The following EFL1 variants were observed in gnomAD, a reference collection of about 807,000 sequenced individuals.
EFL1 encodes the protein elongation factor-like GTPase 1.
Under a neutral mutation model 126.7 loss-of-function variants are expected in EFL1, and 76 were observed. The ratio of observed to expected loss-of-function variants is 0.60; its 90% CI spans 0.50 to 0.73. The LOEUF (loss-of-function observed/expected upper bound fraction) is 0.73. Among genes scored for constraint, EFL1 ranks in the 30% least tolerant of loss-of-function variants. The pLI is 0.00. For synonymous variants in EFL1, 410 were observed against 448.4 expected (o/e 0.91, Z 1.08); for missense variants, 1,128 against 1,343.2 (o/e 0.84, Z 2.50).
chr15:82,191,115 T>C (rs2074355348), intron 15 of EFL1, among the ~76,000 whole-genome samples: 1 of 152,122 alleles, frequency 6.6e-6, no homozygotes, highest in Non-Finnish European at 1.5e-5. Flanking sequence ...CTCACAGTTT[T>C]CTTTGTCCCA....
chr15:82,157,521 T>C, intron 17 of EFL1, 192 bp downstream of exon 17: 1 of 576,052 alleles, frequency 1.7e-6, no homozygotes, highest in Admixed American at 3.7e-5. Flanking sequence ...TATTCAAGTG[T>C]AGGCAGTGAA....
In EFL1 at chr15:82,151,806, C is replaced by T; in HGVS notation, c.2648G>A (p.Cys883Tyr). The change falls in exon 18 of 20, where the codon TGT (cysteine) becomes TAT (tyrosine). Residue 883 changes from cysteine to tyrosine, a missense_variant. Physicochemically the swap from Cys to Tyr is radical, Grantham distance 194 (BLOSUM62 -2). Coordinates refer to ENST00000268206, the MANE Select transcript of EFL1 (RefSeq NM_024580.6). ...ACAGACACCCATGAGAGGCTCCTCA[C>T]ACATGGGGCCAGAGAGGGTTGCTAG... ...FQLATLSGPM[C>Y]EEPLMGVCFV... is the part of the protein sequence containing the mutation. 1.9e-6 allele frequency: 3 copies of T among 1,614,172 alleles called. No individual in the cohort carries two copies. Among genetic ancestry groups the T allele is most frequent in the Non-Finnish European group, 2.5e-6 (3 of 1,180,034 alleles).
intron 15 of EFL1, among the ~76,000 whole-genome samples, chr15:82,201,698 CAAAAAA>C (rs57664245): frequency 4.1e-5 from 4 of 98,686 alleles, no homozygotes; most frequent in Admixed American, 2.2e-4. Context: ...TAACTTCTTG[CAAAAAA>C]AAAAAAAAAA....
In EFL1 at chr15:82,227,573, C is replaced by G. The variant is rs1472133619; in HGVS notation, c.1070-1G>C. The G allele has an allele frequency of 2.5e-6, 4 of 1,613,996 alleles. No homozygotes were observed. The highest frequency in any genetic ancestry group is 3.4e-6 in the Non-Finnish European group (4 of 1,179,984). On this transcript the variant is annotated splice_acceptor_variant, in intron 10 of 19. Coordinates refer to ENST00000268206, the MANE Select transcript of EFL1 (RefSeq NM_024580.6). LOFTEE classifies it high-confidence loss of function. ...CTAGGAAGTTTCTGACACACCATAG[C>G]TGAAGTCTATTGTTAAGGACTGAAA...
At chr15:82,261,487 G>C (rs1419547393) in intron 2 of EFL1, among the ~76,000 whole-genome samples, 1 of 152,112 alleles carries the variant, frequency 6.6e-6, no homozygotes, top group Non-Finnish European at 1.5e-5. Context: ...ATAGAAGAAT[G>C]CTACTCACTA....
intron 6 of EFL1, among the ~76,000 whole-genome samples, chr15:82,238,762 T>C (rs1382491910): frequency 4.6e-5 from 7 of 152,170 alleles, no homozygotes; most frequent in Non-Finnish European, 1.0e-4. Context: ...TTATTATTAG[T>C]TTAATGTAAA....
intron 17 of EFL1, among the ~76,000 whole-genome samples, chr15:82,156,440 A>C (rs2073968184): frequency 6.6e-6 from 1 of 152,162 alleles, no homozygotes; most frequent in Non-Finnish European, 1.5e-5. Context: ...GCACGCCACC[A>C]CATCCAGCTA....
chr15:82,185,517 C>CA (rs1374507442), intron 15 of EFL1, among the ~76,000 whole-genome samples: 8 of 151,592 alleles, frequency 5.3e-5, no homozygotes, highest in Admixed American at 5.3e-4. Flanking sequence ...ACTTTTATGG[C>CA]AAAAAATCAA....
chr15:82,138,870 A>G, intron 18 of EFL1, 28 bp from the exon 19 acceptor site: 1 of 1,603,212 alleles, frequency 6.2e-7, no homozygotes, highest in Non-Finnish European at 8.5e-7. Context: ...TTTTAAAATC[A>G]TGGATCAATC....
In EFL1 at chr15:82,240,490, A is replaced by T. The variant is rs539249535; in HGVS notation, c.444T>A (p.Ile148=). 6.2e-7 allele frequency: 1 copy of T among 1,614,122 alleles called. No individual in the cohort carries two copies. Among genetic ancestry groups the T allele is most frequent in the East Asian group, 2.2e-5 (1 of 44,882 alleles). ...ATTTCAGTTCCACTATCAAGCGATC[A>T]ATCTTATTAATCACTAAAACCGGAC... is the stretch of plus-strand genomic sequence containing the variant. ...NIRPVLVINK[I]DRLIVELKFT... Residue 148 remains isoleucine (I), a synonymous_variant, in exon 6 of 20, where the codon ATT becomes ATA. Transcript: ENST00000268206.
At chr15:82,209,062 T>C (rs779357089) in intron 15 of EFL1, among the ~76,000 whole-genome samples, 1 of 152,132 alleles carries the variant, frequency 6.6e-6, no homozygotes, top group Non-Finnish European at 1.5e-5. Context: ...CTCTTAAAAC[T>C]AAGAAATGAC....
intron 14 of EFL1, among the ~76,000 whole-genome samples, chr15:82,215,208 G>T (rs192063651): frequency 6.6e-6 from 1 of 152,192 alleles, no homozygotes; most frequent in African/African-American, 2.4e-5. Context: ...TGACTACTGT[G>T]CTATCATTTG....
At chr15:82,209,028 A>G (rs1450907854) in intron 15 of EFL1, among the ~76,000 whole-genome samples, 1 of 152,210 alleles carries the variant, frequency 6.6e-6, no homozygotes, top group Non-Finnish European at 1.5e-5. Flanking sequence ...TCTGTAAAAG[A>G]AAAGCCATTA....
intron 18 of EFL1, among the ~76,000 whole-genome samples, chr15:82,143,949 C>T (rs2073815691): frequency 6.6e-6 from 1 of 152,162 alleles, no homozygotes; most frequent in African/African-American, 2.4e-5. Flanking sequence ...GATCTCCTGC[C>T]TCAGCCATGC....
chr15:82,251,038 C>T (rs942299810), intron 4 of EFL1, among the ~76,000 whole-genome samples: 5 of 151,982 alleles, frequency 3.3e-5, no homozygotes, highest in African/African-American at 1.2e-4. Flanking sequence ...ATGGTGAAAC[C>T]CCGCCTCTAC....
chr15:82,186,916 AG>A (rs2074309975), intron 15 of EFL1, among the ~76,000 whole-genome samples: 1 of 152,146 alleles, frequency 6.6e-6, no homozygotes, highest in Admixed American at 6.5e-5. Flanking sequence ...GGCGCTTCTT[AG>A]GTAGCCTTTT....
intron 15 of EFL1, among the ~76,000 whole-genome samples, chr15:82,172,675 C>T (rs961031400): frequency 1.3e-5 from 2 of 152,154 alleles, no homozygotes; most frequent in African/African-American, 4.8e-5. Flanking sequence ...GAAGAATGAA[C>T]TTGTTCTGAA....
intron 19 of EFL1, among the ~76,000 whole-genome samples, chr15:82,138,340 T>C (rs1306991359): frequency 2.0e-5 from 3 of 152,148 alleles, no homozygotes; most frequent in Non-Finnish European, 4.4e-5. Context: ...ATCTAAAATA[T>C]ATATTTGGAT....
chr15:82,159,274 C>CTAA (rs2073998573), intron 16 of EFL1, among the ~76,000 whole-genome samples: 2 of 151,832 alleles, frequency 1.3e-5, no homozygotes. Flanking sequence ...TACTATAATA[C>CTAA]TAATAACATA....
Sources: allele counts gnomAD v4.1 joint callset (sites outside exome capture counted in the v4.1 genomes callset), GRCh38; gene constraint gnomAD v4.1.1; transcripts MANE v1.5; gene names NCBI Gene and HGNC (gene_info 2026-07-23, HGNC 2026-07-21).